Variants in CDH18 observed in about 807,000 individuals in gnomAD.
CDH18 encodes cadherin 18.
CDH18 carries 31 observed loss-of-function variants against 67.9 expected under a neutral mutation model. That is an observed-to-expected ratio of 0.46 (90% CI 0.34 to 0.62). CDH18 has a LOEUF of 0.62. Among genes scored for constraint, CDH18 ranks in the 20% least tolerant of loss-of-function variants. The pLI, the probability that CDH18 is intolerant of heterozygous loss-of-function variation, is 0.01. For synonymous variants in CDH18, 362 were observed against 347.2 expected (o/e 1.04, Z -0.48); for missense variants, 890 against 975.5 (o/e 0.91, Z 1.17).
intron 2 of CDH18, among the ~76,000 whole-genome samples, chr5:19,919,302 C>T (rs1332884468): frequency 1.3e-5 from 2 of 152,124 alleles, no homozygotes; most frequent in East Asian, 3.9e-4. Context: ...CATAGGTCAA[C>T]ATCAATTAAA....
intron 11 of CDH18, among the ~76,000 whole-genome samples, chr5:19,499,687 T>C (rs1221664254): frequency 6.6e-6 from 1 of 152,182 alleles, no homozygotes; most frequent in Non-Finnish European, 1.5e-5. Flanking sequence ...TCATAATTTA[T>C]GCATTTTTCA....
intron 1 of CDH18, among the ~76,000 whole-genome samples, chr5:20,433,025 A>T (rs897424846): frequency 1.3e-4 from 20 of 149,564 alleles, no homozygotes; most frequent in Non-Finnish European, 7.4e-5. Flanking sequence ...TATATATATA[A>T]AATACATAAT....
chr5:20,129,271 C>T (rs1350414613), intron 2 of CDH18, among the ~76,000 whole-genome samples: 2 of 151,952 alleles, frequency 1.3e-5, no homozygotes, highest in African/African-American at 2.4e-5. Context: ...ATATCTATAT[C>T]TTTATCAATT....
chr5:20,140,046 G>T (rs151105552), intron 2 of CDH18, among the ~76,000 whole-genome samples: 1,852 of 152,188 alleles, frequency 0.012, 23 homozygotes, highest in Middle Eastern at 0.044. Context: ...CTACTCACAA[G>T]AGCAAAGACT....
intron 2 of CDH18, among the ~76,000 whole-genome samples, chr5:20,138,523 T>A (rs1749946086): frequency 6.6e-6 from 1 of 152,140 alleles, no homozygotes; most frequent in African/African-American, 2.4e-5. Context: ...GGAAGTCAAA[T>A]CTTCCCTGTT....
intron 1 of CDH18, among the ~76,000 whole-genome samples, chr5:20,459,232 A>G (rs986026246): frequency 3.3e-5 from 5 of 152,200 alleles, no homozygotes; most frequent in Admixed American, 6.5e-5. Context: ...TAGGCATTTC[A>G]TAAACGTGAG....
At chr5:19,811,156 AAGAAGGAGAG>A (rs1778683339) in intron 3 of CDH18, among the ~76,000 whole-genome samples, 1 of 22,190 alleles carries the variant, frequency 4.5e-5, no homozygotes, top group African/African-American at 2.4e-4. Flanking sequence ...GAAAGAAAGA[AAGAAGGAGAG>A]AAAGAAAGAG....
chr5:19,473,452 A>G lies in CDH18; in HGVS notation c.2147T>C (p.Ile716Thr). The change falls in exon 13 of 13, where the codon ATT becomes ACT. Residue 716 changes from isoleucine (I) to threonine (T), a missense_variant. Ile to Thr is a moderately conservative substitution (Grantham distance 89, BLOSUM62 -1). Around this residue, in one of 2 missense-constraint regions of CDH18, gnomAD observed 656 missense variants for 668.1 expected, o/e 0.98. Coordinates refer to ENST00000382275, the MANE Select transcript of CDH18 (RefSeq NM_004934.5). The stretch of plus-strand genomic sequence containing the variant: ...GTCTGCTTCTGCCAGTCTTTGCTTA[A>G]TAAATTCCTGAACATCTATGCTTTC... ...TLESIDVQEF[I>T]KQRLAEADLD... is the part of the protein sequence containing the mutation. 1 of 1,613,884 alleles carries G rather than the reference A, an allele frequency of 6.2e-7. No individual in the cohort carries two copies. Among genetic ancestry groups the G allele is most frequent in the Non-Finnish European group, 8.5e-7 (1 of 1,179,904 alleles).
chr5:20,115,270 CTTTTTTTTTTT>C (rs753438800), intron 2 of CDH18, among the ~76,000 whole-genome samples: 8 of 58,138 alleles, frequency 1.4e-4, no homozygotes, highest in Non-Finnish European at 2.3e-4. Context: ...AGGGCCTCAT[CTTTTTTTTTTT>C]TTTTTTTTTT....
intron 2 of CDH18, among the ~76,000 whole-genome samples, chr5:20,113,890 A>G (rs1019440369): frequency 6.6e-6 from 1 of 152,178 alleles, no homozygotes; most frequent in Non-Finnish European, 1.5e-5. Context: ...TTGAGGCAAA[A>G]GATAATTATA....
chr5:19,895,127 T>G (rs1789172546), intron 2 of CDH18, among the ~76,000 whole-genome samples: 1 of 152,164 alleles, frequency 6.6e-6, no homozygotes, highest in Non-Finnish European at 1.5e-5. Context: ...GATAGAGGCA[T>G]GTTGGCTGAA....
At chr5:19,921,130 C>A in intron 2 of CDH18, among the ~76,000 whole-genome samples, 1 of 151,970 alleles carries the variant, frequency 6.6e-6, no homozygotes, top group Admixed American at 6.6e-5. Flanking sequence ...AACAATAGAA[C>A]AAACTTTTTG....
chr5:20,042,879 G>A lies in CDH18; in HGVS notation c.-517-50865C>T, dbSNP rs916897905. ...CGGGAGGCTGAGGCAGGAGAATGGC[G>A]TGAACCCGGGAGGCAGAGCTTGCAG... On this transcript the variant is annotated intron_variant, in intron 2 of 14. Coordinates refer to the CDH18 transcript ENST00000507958. 5.3e-5 allele frequency among the ~76,000 whole-genome samples: 8 copies of A among 151,954 alleles called. No individual in the cohort carries two copies. The East Asian group carries it at 5.8e-4, about 11-fold the overall frequency.
At chr5:19,645,274 T>A (rs912211014) in intron 5 of CDH18, among the ~76,000 whole-genome samples, 1 of 152,136 alleles carries the variant, frequency 6.6e-6, no homozygotes, top group Non-Finnish European at 1.5e-5. Context: ...GTAGTATTTA[T>A]CAGAGAATGA....
chr5:19,650,577 T>C (rs973828273), intron 5 of CDH18, among the ~76,000 whole-genome samples: 2 of 152,040 alleles, frequency 1.3e-5, no homozygotes, highest in Admixed American at 6.6e-5. Flanking sequence ...GAAAAATCTG[T>C]TGGATTTCCA....
intron 1 of CDH18, among the ~76,000 whole-genome samples, chr5:20,260,842 A>G (rs1290978269): frequency 6.6e-6 from 1 of 152,202 alleles, no homozygotes; most frequent in Non-Finnish European, 1.5e-5. Context: ...CCAGCAGAAG[A>G]TGGGAAAACT....
At chr5:19,892,016 T>C (rs1420055433) in intron 2 of CDH18, among the ~76,000 whole-genome samples, 1 of 152,190 alleles carries the variant, frequency 6.6e-6, no homozygotes, top group Non-Finnish European at 1.5e-5. Flanking sequence ...CTCTTAGTCC[T>C]AGCACTTTGT....
intron 3 of CDH18, among the ~76,000 whole-genome samples, chr5:19,766,768 T>C (rs1425337992): frequency 1.3e-5 from 2 of 152,172 alleles, no homozygotes; most frequent in Non-Finnish European, 2.9e-5. Flanking sequence ...CTAGATAGTT[T>C]CTATTTATCT....
chr5:20,265,880 C>T (rs1469984976), intron 1 of CDH18, among the ~76,000 whole-genome samples: 2 of 152,106 alleles, frequency 1.3e-5, no homozygotes, highest in Non-Finnish European at 2.9e-5. Flanking sequence ...AAAAGATTAG[C>T]TTTTGAATTG....
Sources: allele counts gnomAD v4.1 joint callset (sites outside exome capture counted in the v4.1 genomes callset), GRCh38; gene constraint gnomAD v4.1.1; regional missense constraint gnomAD v4.1.1; transcripts MANE v1.5; gene names NCBI Gene and HGNC (gene_info 2026-07-23, HGNC 2026-07-21).